The following KCNAB2 variants were observed in gnomAD, a reference collection of about 807,000 sequenced individuals.
KCNAB2 encodes potassium voltage-gated channel subfamily A regulatory beta subunit 2.
KCNAB2 carries 29 observed loss-of-function variants against 63.6 expected under a neutral mutation model. That is an observed-to-expected ratio of 0.46 (90% CI 0.34 to 0.62). KCNAB2 has a LOEUF of 0.62. Among genes scored for constraint, KCNAB2 ranks in the 20% least tolerant of loss-of-function variants. KCNAB2 has a pLI of 0.01. For missense variants in KCNAB2, 359 were observed against 563.9 expected (o/e 0.64, Z 3.68); for synonymous variants, 222 against 224.2 (o/e 0.99, Z 0.09).
chr1:5,997,047 A>G (rs948396484), intron 1 of KCNAB2, among the ~76,000 whole-genome samples: 1 of 151,916 alleles, frequency 6.6e-6, no homozygotes, highest in East Asian at 1.9e-4. Flanking sequence ...GTCTCCCTCT[A>G]TCTGAATGGG....
At position 6,074,684 on chromosome 1, in the gene KCNAB2, G is replaced by A. The variant is rs1251376277; in HGVS notation, c.300+914G>A. Among the ~76,000 whole-genome samples, 1 of 152,198 alleles carries A rather than the reference G, an allele frequency of 6.6e-6. No individual in the cohort carries two copies. The highest frequency in any genetic ancestry group is 2.4e-5 in the African/African-American group (1 of 41,438). ...TATCTTTAAGACACTAGCTGGCCGG[G>A]CGCGGTGACTCACACCTGTAACCCC... On this transcript the variant is annotated intron_variant, in intron 4 of 15. Coordinates refer to ENST00000378083, the MANE Select transcript of KCNAB2 (RefSeq NM_001199862.2). This position sits in a 1 kb window ranked among gnomAD's most constrained non-coding sequence, Gnocchi z 4.9.
intron 12 of KCNAB2, 25 bp from the exon 13 acceptor site, chr1:6,095,505 G>A (rs1183343026): frequency 6.3e-7 from 1 of 1,581,266 alleles, no homozygotes; most frequent in East Asian, 2.3e-5. Flanking sequence ...CCCAGGGCTT[G>A]ACTCCACCTG....
At chr1:6,092,397 C>T (rs1267684379) in intron 10 of KCNAB2, among the ~76,000 whole-genome samples, 3 of 152,238 alleles carry the variant, frequency 2.0e-5, no homozygotes, top group Non-Finnish European at 4.4e-5. Flanking sequence ...ATGGAAGGGG[C>T]GCCGCAGGGC....
At chr1:6,091,203 C>T (rs1033687613) in intron 9 of KCNAB2, 60 bp from the exon 10 acceptor site, 12 of 1,277,244 alleles carry the variant, frequency 9.4e-6, no homozygotes, top group African/African-American at 7.4e-5. Context: ...CGTCGTGCCA[C>T]GCCTCTCAGT....
chr1:6,002,612 T>C (rs1657320265), intron 1 of KCNAB2, among the ~76,000 whole-genome samples: 1 of 152,126 alleles, frequency 6.6e-6, no homozygotes, highest in Non-Finnish European at 1.5e-5. Flanking sequence ...GGCACTTAAT[T>C]ATGTGGAGGT....
rs192728058 is a variant in KCNAB2, at chr1:6,052,302, G to A, written c.218+548G>A. On this transcript the variant is annotated intron_variant, in intron 2 of 15. Transcript: ENST00000378083. ...TAGGTAGGCATGGTGCCATGCACCT[G>A]TAGTCCCAGCTACTTGGGAGGCTGA... Among the ~76,000 whole-genome samples, 27 of 152,200 alleles carry A rather than the reference G, an allele frequency of 1.8e-4. No homozygotes were observed. The East Asian group carries it at 4.3e-3, about 24-fold the overall frequency.
At position 6,087,282 on chromosome 1, in the gene KCNAB2, G is replaced by T. The variant is rs1664782050; in HGVS notation, c.426-185G>T. Among the ~76,000 whole-genome samples the T allele has an allele frequency of 6.6e-6, 1 of 152,190 alleles. No homozygotes were observed. The highest frequency in any genetic ancestry group is 2.4e-5 in the African/African-American group (1 of 41,450). On this transcript the variant is annotated intron_variant, in intron 6 of 15. Transcript: ENST00000378083. The surrounding 1 kb of genome is among the most constrained non-coding windows in gnomAD (Gnocchi z 6.4). ...TGGCTGCCTCCTGGCTCCATGAGGA[G>T]CCCACGCACCCCGGCTGGGCACGTG...
At chr1:6,072,921 G>A in intron 3 of KCNAB2, 123 bp downstream of exon 3, 1 of 822,030 alleles carries the variant, frequency 1.2e-6, no homozygotes, top group Non-Finnish European at 1.9e-6. Context: ...CCAGGGAGTA[G>A]CTGCACCCAG....
chr1:6,021,699 A>G (rs895431611), intron 1 of KCNAB2, among the ~76,000 whole-genome samples: 1 of 151,808 alleles, frequency 6.6e-6, no homozygotes, highest in Non-Finnish European at 1.5e-5. Flanking sequence ...GGTATGGTTC[A>G]GTGGTACTGA....
In KCNAB2 at chr1:6,081,792, C is replaced by T. The variant is rs1161291052; in HGVS notation, c.301-403C>T. Among the ~76,000 whole-genome samples, 3 of 152,222 alleles carry T rather than the reference C, an allele frequency of 2.0e-5. No homozygotes were observed. The East Asian group carries it at 5.8e-4, about 29-fold the overall frequency. ...CCACCCTAACACAGTACGACCTCAT[C>T]TTCGCTAATTACATTGAAGAAGGCC... On this transcript the variant is annotated intron_variant, in intron 4 of 15. Coordinates refer to ENST00000378083, the MANE Select transcript of KCNAB2 (RefSeq NM_001199862.2).
chr1:6,089,476 C>A (rs548626352), intron 8 of KCNAB2, among the ~76,000 whole-genome samples: 4 of 152,386 alleles, frequency 2.6e-5, no homozygotes, highest in South Asian at 4.1e-4. Context: ...CGGAGCAAGG[C>A]ACCGGGGTGT....
rs144439428 is a variant in KCNAB2, at chr1:6,045,987, G to A, written c.-223G>A. 2.1e-4 allele frequency: 206 copies of A among 985,380 alleles called. 1 individual carries two copies. In the East Asian group the frequency reaches 0.02, roughly 93 times the overall value. 61.0% of individuals were successfully genotyped at this position (985,380 alleles called of 1,614,324 possible). ...CAGCCTCTTTCACTGAGATGAAAAC[G>A]CCCTAATAGAACTAATGGACTCGCT... On this transcript the variant is annotated 5_prime_UTR_variant, in exon 1 of 16. Coordinates refer to ENST00000378083, the MANE Select transcript of KCNAB2 (RefSeq NM_001199862.2). This position sits in a 1 kb window ranked among gnomAD's most constrained non-coding sequence, Gnocchi z 4.8.
At chr1:6,058,024 G>T (rs891204679) in intron 2 of KCNAB2, among the ~76,000 whole-genome samples, 4 of 152,160 alleles carry the variant, frequency 2.6e-5, no homozygotes, top group African/African-American at 7.2e-5. Flanking sequence ...GGTGGCAAGT[G>T]CCTATGATCC....
chr1:6,001,368 C>T lies in KCNAB2; in HGVS notation c.-53+8580C>T, dbSNP rs116665744. 2.8e-3 allele frequency among the ~76,000 whole-genome samples: 426 copies of T among 152,212 alleles called. 2 individuals carry two copies. Among genetic ancestry groups the T allele is most frequent in the African/African-American group, 9.8e-3 (405 of 41,538 alleles). Reference sequence around the variant, plus strand: ...ACACACAGACACACAGAGCCTGTGCCACCAGCCCTCATTCTCTGCCTCACC... The same window carrying T: ...ACACACAGACACACAGAGCCTGTGCTACCAGCCCTCATTCTCTGCCTCACC... On this transcript the variant is annotated intron_variant, in intron 1 of 16. Transcript: ENST00000341524.
upstream of KCNAB2, among the ~76,000 whole-genome samples, chr1:6,030,690 GTA>G (rs1659544036): frequency 6.6e-6 from 1 of 151,436 alleles, no homozygotes; most frequent in African/African-American, 2.4e-5. Flanking sequence ...GTGTTTGTGT[GTA>G]TGTGTGTGTG....
chr1:6,048,681 C>T lies in KCNAB2; in HGVS notation c.-27+2498C>T, dbSNP rs974249605. Among the ~76,000 whole-genome samples the T allele has an allele frequency of 3.3e-5, 5 of 152,246 alleles. No individual in the cohort carries two copies. In the East Asian group the frequency reaches 5.8e-4, roughly 18 times the overall value. On this transcript the variant is annotated intron_variant, in intron 1 of 15. Transcript: ENST00000378083. ...GGGAACTTGCGTGTCTGAGGCTGGT[C>T]CTGCCTTTCAGAAAGAGCCCTGGGG...
At position 6,078,442 on chromosome 1, in the gene KCNAB2, AG is replaced by A. The variant is rs200593284; in HGVS notation, c.301-3747del. 1.1e-4 allele frequency among the ~76,000 whole-genome samples: 15 copies of A among 134,126 alleles called. 1 individual carries two copies. The East Asian group carries it at 2.7e-3, about 24-fold the overall frequency. The allele number at this position is 134,126 out of a possible 152,430, so 88.0% of individuals were successfully genotyped here. Reference sequence around the variant, plus strand: ...GAGAAGAAAGTAGAAAAAGGAGGGCAGGGGGGCGGGGGTCCTGACGACAGGG... The same window carrying A: ...GAGAAGAAAGTAGAAAAAGGAGGGCAGGGGGCGGGGGTCCTGACGACAGGG... On this transcript the variant is annotated intron_variant, in intron 4 of 15. Transcript: ENST00000378083. The surrounding 1 kb of genome is among the most constrained non-coding windows in gnomAD (Gnocchi z 4.2).
At chr1:6,004,034 C>G (rs556200773) in intron 1 of KCNAB2, among the ~76,000 whole-genome samples, 1 of 152,112 alleles carries the variant, frequency 6.6e-6, no homozygotes, top group African/African-American at 2.4e-5. Context: ...TACAGTCCCC[C>G]GGAGAGCAGG....
chr1:6,061,392 G>A (rs940347235), intron 2 of KCNAB2, among the ~76,000 whole-genome samples: 7 of 152,280 alleles, frequency 4.6e-5, no homozygotes, highest in African/African-American at 1.2e-4. Context: ...TGTCATCCCA[G>A]CACCGGGCCG....
Sources: allele counts gnomAD v4.1 joint callset (sites outside exome capture counted in the v4.1 genomes callset), GRCh38; gene constraint gnomAD v4.1.1; non-coding constraint Gnocchi (gnomAD v3.1); transcripts MANE v1.5; gene names NCBI Gene and HGNC (gene_info 2026-07-23, HGNC 2026-07-21).